METTL24: variants seen among roughly 807,000 people sequenced by gnomAD.
METTL24 encodes probable methyltransferase-like protein 24.
Under a neutral mutation model 32.7 loss-of-function variants are expected in METTL24, and 29 were observed. The ratio of observed to expected loss-of-function variants is 0.89; its 90% CI spans 0.66 to 1.21. The LOEUF (loss-of-function observed/expected upper bound fraction) is 1.21. Ranked by LOEUF, METTL24 falls within the 50% of genes most tolerant of loss-of-function variation. The pLI is 0.00. For missense variants in METTL24, 439 were observed against 468.1 expected, an observed-to-expected ratio of 0.94 and a Z score of 0.57; for synonymous variants, 163 against 179.5, an observed-to-expected ratio of 0.91 and a Z score of 0.73.
At chr6:110,337,467 G>A (rs1329951812) in intron 1 of METTL24, among the ~76,000 whole-genome samples, 1 of 151,994 alleles carries the variant, frequency 6.6e-6, no homozygotes, top group Non-Finnish European at 1.5e-5. Context: ...AAAAAGAGGT[G>A]GTTATCATTA....
intron 1 of METTL24, among the ~76,000 whole-genome samples, chr6:110,335,229 T>C (rs956965515): frequency 1.3e-5 from 2 of 152,200 alleles, no homozygotes; most frequent in African/African-American, 4.8e-5. Context: ...CTCTCTGGAC[T>C]CAGGATTCTT....
chr6:110,302,849 A>G (rs1357684682), intron 3 of METTL24, among the ~76,000 whole-genome samples: 1 of 152,172 alleles, frequency 6.6e-6, no homozygotes, highest in Non-Finnish European at 1.5e-5. Context: ...AGAAGTATGT[A>G]AATTGAAAAG....
At chr6:110,319,905 G>T (rs1216179864) in intron 2 of METTL24, among the ~76,000 whole-genome samples, 2 of 152,070 alleles carry the variant, frequency 1.3e-5, no homozygotes, top group East Asian at 3.9e-4. Flanking sequence ...CTATGCCTCT[G>T]CTCCCGGGCT....
At chr6:110,270,360 G>T (rs1045098864) in intron 4 of METTL24, among the ~76,000 whole-genome samples, 3 of 152,026 alleles carry the variant, frequency 2.0e-5, no homozygotes, top group Non-Finnish European at 2.9e-5. Context: ...AGCTGGTTGT[G>T]GGGGGAGGGG....
At chr6:110,319,709 T>G (rs1324799166) in intron 2 of METTL24, among the ~76,000 whole-genome samples, 1 of 151,868 alleles carries the variant, frequency 6.6e-6, no homozygotes, top group Non-Finnish European at 1.5e-5. Flanking sequence ...TCATGGTCTT[T>G]CACATTGAAA....
chr6:110,357,893 C>G lies in METTL24; in HGVS notation c.318+62G>C, dbSNP rs528386410. 1,303 of 1,013,918 alleles carry G rather than the reference C, an allele frequency of 1.3e-3. 3 individuals carry two copies. The highest frequency in any genetic ancestry group is 1.6e-3 in the Non-Finnish European group (1,262 of 807,372). The allele number at this position is 1,013,918 out of a possible 1,614,324, so 62.8% of individuals were successfully genotyped here. A position where few individuals can be genotyped will look rare whatever the true frequency, so the allele number is the denominator to read the frequency against. On this transcript the variant is annotated intron_variant, in intron 1 of 4. Transcript: ENST00000338882. ...CCTGCGGGACCTGAGCGCCGGGCTC[C>G]GTAGCGCGGTCGGGAGGGGGCTTCT...
intron 4 of METTL24, among the ~76,000 whole-genome samples, chr6:110,255,594 C>T (rs578014970): frequency 6.6e-6 from 1 of 152,290 alleles, no homozygotes; most frequent in East Asian, 1.9e-4. Flanking sequence ...GCTTTTCTGT[C>T]TTCATTTCTA....
At chr6:110,288,740 G>T (rs1190628131) in intron 4 of METTL24, among the ~76,000 whole-genome samples, 1 of 152,146 alleles carries the variant, frequency 6.6e-6, no homozygotes, top group East Asian at 1.9e-4. Flanking sequence ...CGGTGAGCAG[G>T]ATGGCAGGCC....
At chr6:110,297,150 C>A (rs1303821829) in intron 4 of METTL24, among the ~76,000 whole-genome samples, 1 of 152,130 alleles carries the variant, frequency 6.6e-6, no homozygotes, top group Non-Finnish European at 1.5e-5. Flanking sequence ...AAATAAGTAA[C>A]CTTAGAAACA....
chr6:110,342,742 A>AGAG (rs1772384457), intron 1 of METTL24, among the ~76,000 whole-genome samples: 1 of 152,140 alleles, frequency 6.6e-6, no homozygotes, highest in Non-Finnish European at 1.5e-5. Flanking sequence ...GGCAACCACT[A>AGAG]ATCTACTTTC....
chr6:110,329,019 T>C (rs957850865), intron 1 of METTL24, among the ~76,000 whole-genome samples: 1 of 152,252 alleles, frequency 6.6e-6, no homozygotes. Flanking sequence ...AGGATGCTTC[T>C]AATGCCCCAT....
At position 110,246,049 on chromosome 6, in the gene METTL24, T is replaced by C; in HGVS notation, c.998A>G (p.His333Arg). Residue 333 changes from histidine to arginine, a missense_variant, in exon 5 of 5, where the codon CAC (histidine) becomes CGC (arginine). Coordinates refer to ENST00000338882, the MANE Select transcript of METTL24 (RefSeq NM_001123364.3). ...AGGTTTAGATAAGTCTTTGTAACTG[T>C]GAAAAAGCCTGAAATCCTTTTGTTC... ...ELEQKDFRLF[H>R]SYKDLSKPQL... 1.2e-6 allele frequency: 2 copies of C among 1,614,196 alleles called. No individual in the cohort carries two copies. The highest frequency in any genetic ancestry group is 8.5e-7 in the Non-Finnish European group (1 of 1,180,026).
chr6:110,351,794 G>A (rs2114781183), intron 1 of METTL24, among the ~76,000 whole-genome samples: 1 of 152,320 alleles, frequency 6.6e-6, no homozygotes, highest in Middle Eastern at 3.4e-3. Context: ...CCAGTGAGGT[G>A]ACCTGTATTA....
chr6:110,287,155 T>A (rs566849143), intron 4 of METTL24, among the ~76,000 whole-genome samples: 1 of 152,178 alleles, frequency 6.6e-6, no homozygotes, highest in South Asian at 2.1e-4. Flanking sequence ...TTGAAAAATA[T>A]TCAGAAGAGC....
intron 4 of METTL24, among the ~76,000 whole-genome samples, chr6:110,263,758 G>A (rs1380264772): frequency 6.6e-6 from 1 of 152,106 alleles, no homozygotes; most frequent in Non-Finnish European, 1.5e-5. Context: ...GCATGGTACT[G>A]GTACCAAAAC....
intron 3 of METTL24, among the ~76,000 whole-genome samples, chr6:110,309,378 GT>G (rs1168978727): frequency 5.3e-5 from 8 of 152,168 alleles, no homozygotes; most frequent in Middle Eastern, 3.2e-3. Flanking sequence ...ACACTAGTGG[GT>G]AAAAACACTT....
intron 1 of METTL24, among the ~76,000 whole-genome samples, chr6:110,328,865 T>C (rs1772063137): frequency 1.3e-5 from 2 of 152,180 alleles, no homozygotes; most frequent in Non-Finnish European, 2.9e-5. Context: ...GTTGTAAAAT[T>C]TGGAATAACA....
chr6:110,304,026 G>C (rs1421082267), intron 3 of METTL24, among the ~76,000 whole-genome samples: 1 of 152,118 alleles, frequency 6.6e-6, no homozygotes, highest in African/African-American at 2.4e-5. Context: ...AGGCAAACAG[G>C]GTCTGGAGTA....
chr6:110,333,356 T>TC, intron 1 of METTL24, among the ~76,000 whole-genome samples: 1 of 152,198 alleles, frequency 6.6e-6, no homozygotes, highest in East Asian at 1.9e-4. Context: ...AGTTAATGCT[T>TC]CCTGCCTTGA....
Sources: allele counts gnomAD v4.1 joint callset (sites outside exome capture counted in the v4.1 genomes callset), GRCh38; gene constraint gnomAD v4.1.1; transcripts MANE v1.5; gene names NCBI Gene and HGNC (gene_info 2026-07-23, HGNC 2026-07-21).